Variants in ZNF90 observed in about 807,000 individuals in gnomAD.
The protein encoded by ZNF90 is zinc finger protein HTF9.
Under a neutral mutation model 12.0 loss-of-function variants are expected in ZNF90, and 11 were observed. That is an observed-to-expected ratio of 0.92 (90% CI 0.58 to 1.52). The LOEUF (loss-of-function observed/expected upper bound fraction) is 1.52, where lower values mean the gene tolerates loss of function less well. ZNF90 is among the 40% of genes most tolerant of loss of function. The probability of loss-of-function intolerance (pLI) is 0.00; values close to 1 mark genes in which losing one functional copy is unlikely to be tolerated. For synonymous variants in ZNF90, 232 were observed against 240.1 expected, an observed-to-expected ratio of 0.97 and a Z score of 0.31; for missense variants, 765 against 711.5, an observed-to-expected ratio of 1.08 and a Z score of -0.86.
chr19:20,114,647 C>G (rs1331422497), intron 3 of ZNF90, among the ~76,000 whole-genome samples: 4 of 152,016 alleles, frequency 2.6e-5, no homozygotes, highest in Non-Finnish European at 5.9e-5. Context: ...AGAAAGTAAT[C>G]TATTTTCAGC....
chr19:20,094,367 A>T (rs782201603), intron 1 of ZNF90, among the ~76,000 whole-genome samples: 67 of 152,220 alleles, frequency 4.4e-4, no homozygotes, highest in Admixed American at 5.9e-4. Context: ...CATATTGAGA[A>T]TAAGGCGGCC....
intron 3 of ZNF90, among the ~76,000 whole-genome samples, chr19:20,106,044 C>CATTTTTTTTTTTTTTTTTTTTTTTTTTTT (rs1555704366): frequency 2.8e-5 from 2 of 71,040 alleles, no homozygotes; most frequent in African/African-American, 1.1e-4. Context: ...CTAATTTTTT[C>CATTTTTTTTTTTTTTTTTTTTTTTTTTTT]TTTTTTTTTT....
chr19:20,108,100 A>C (rs1253649698), intron 3 of ZNF90, among the ~76,000 whole-genome samples: 1 of 152,066 alleles, frequency 6.6e-6, no homozygotes, highest in Non-Finnish European at 1.5e-5. Context: ...GTTTTGTGTA[A>C]GAATACCATA....
chr19:20,090,205 G>A (rs962908028), intron 1 of ZNF90, among the ~76,000 whole-genome samples: 5 of 152,106 alleles, frequency 3.3e-5, no homozygotes, highest in African/African-American at 7.2e-5. Flanking sequence ...GAGTATGACC[G>A]GACAGAAGAT....
chr19:20,113,702 C>G (rs1555705391), intron 3 of ZNF90, among the ~76,000 whole-genome samples: 2 of 152,002 alleles, frequency 1.3e-5, no homozygotes, highest in Non-Finnish European at 2.9e-5. Context: ...TTGGCGGGCG[C>G]TTATAGTCCC....
chr19:20,104,014 A>G (rs1555704117), intron 1 of ZNF90, among the ~76,000 whole-genome samples: 1 of 152,186 alleles, frequency 6.6e-6, no homozygotes, highest in East Asian at 1.9e-4. Flanking sequence ...TTATCTAGAA[A>G]AATATCATAT....
intron 1 of ZNF90, among the ~76,000 whole-genome samples, chr19:20,094,770 A>G (rs2088929592): frequency 6.6e-6 from 1 of 151,118 alleles, no homozygotes; most frequent in South Asian, 2.1e-4. Flanking sequence ...AGAGTTAGAC[A>G]TTGGAATTCC....
Position 20,078,033 on chromosome 19 carries a change from C to T in ZNF90, c.-100C>T. 6.6e-7 allele frequency: 1 copy of T among 1,504,802 alleles called. No homozygotes were observed. Among genetic ancestry groups the T allele is most frequent in the Non-Finnish European group, 9.3e-7 (1 of 1,080,946 alleles). 93.2% of individuals were successfully genotyped at this position (1,504,802 alleles called of 1,614,324 possible). A position where few individuals can be genotyped will look rare whatever the true frequency, so the allele number is the denominator to read the frequency against. On this transcript the variant is annotated 5_prime_UTR_variant, in exon 1 of 4. Transcript: ENST00000418063. ...TCTTGCTGCAGCTGGTGCTCCAAAT[C>T]TGGTCTTAGCTGCTTCGTGTCTTCT... is the stretch of plus-strand genomic sequence containing the variant.
chr19:20,082,193 A>G (rs899293108), intron 1 of ZNF90, among the ~76,000 whole-genome samples: 9 of 152,092 alleles, frequency 5.9e-5, no homozygotes, highest in African/African-American at 1.9e-4. Flanking sequence ...AGCACCAAAC[A>G]TGTCTGTTTT....
chr19:20,091,648 C>T (rs371031614), intron 1 of ZNF90, among the ~76,000 whole-genome samples: 3 of 152,166 alleles, frequency 2.0e-5, no homozygotes, highest in Non-Finnish European at 2.9e-5. Context: ...TTTGATGCCC[C>T]TTGCAGTGAA....
At chr19:20,101,133 C>T (rs1460405419) in intron 1 of ZNF90, among the ~76,000 whole-genome samples, 1 of 152,204 alleles carries the variant, frequency 6.6e-6, no homozygotes, top group East Asian at 1.9e-4. Flanking sequence ...CACCCCTCCC[C>T]CTCCGGATCC....
chr19:20,104,400 C>A (rs959877255), intron 2 of ZNF90, 35 bp downstream of exon 2: 3 of 1,556,156 alleles, frequency 1.9e-6, no homozygotes, highest in Non-Finnish European at 2.6e-6. Context: ...TCATAATATA[C>A]CCTAAAGGTT....
chr19:20,117,397 C>CTTTTCTCCCTTCCTTCCTTCCT (rs1294206352), intron 3 of ZNF90, among the ~76,000 whole-genome samples: 1 of 91,346 alleles, frequency 1.1e-5, no homozygotes, highest in African/African-American at 7.1e-5. Flanking sequence ...CTTTTCTTTT[C>CTTTTCTCCCTTCCTTCCTTCCT]TCCTTCCTTC....
Position 20,114,063 on chromosome 19 carries a change from C to T in ZNF90, c.227-3718C>T, listed in dbSNP as rs186283864. ...ATCGCATCACTTTCAGAGGCTGAGG[C>T]GGGCAGATCACAAGGTCAGAAGATC... On this transcript the variant is annotated intron_variant, in intron 3 of 3. Coordinates refer to ENST00000418063, the MANE Select transcript of ZNF90 (RefSeq NM_007138.2). 1.2e-3 allele frequency among the ~76,000 whole-genome samples: 185 copies of T among 152,176 alleles called. 1 individual carries two copies. Among genetic ancestry groups the T allele is most frequent in the African/African-American group, 3.8e-3 (159 of 41,540 alleles).
At chr19:20,090,525 G>A (rs1332553524) in intron 1 of ZNF90, among the ~76,000 whole-genome samples, 4 of 152,130 alleles carry the variant, frequency 2.6e-5, no homozygotes, top group African/African-American at 7.2e-5. Context: ...GACGGCAGTC[G>A]GGGACTATAG....
rs537557964 is a variant in ZNF90 at position 20,088,665 on chromosome 19, G to A, written c.3+10530G>A. 6.0e-4 allele frequency among the ~76,000 whole-genome samples: 91 copies of A among 152,312 alleles called. 1 individual carries two copies. Among genetic ancestry groups the A allele is most frequent in the African/African-American group, 1.9e-3 (81 of 41,566 alleles). ...CAGGGTCCTCCTTTTTCAGCAGTGA[G>A]TAAGTCAAGGCCTCGGCAGTTTTGG... On this transcript the variant is annotated intron_variant, in intron 1 of 3. Transcript: ENST00000418063.
chr19:20,102,525 A>G (rs1208145667), intron 1 of ZNF90, among the ~76,000 whole-genome samples: 1 of 152,136 alleles, frequency 6.6e-6, no homozygotes, highest in African/African-American at 2.4e-5. Flanking sequence ...TACTCTTGCC[A>G]TTGCTCCATC....
chr19:20,085,426 A>AT (rs1358494381), intron 1 of ZNF90, among the ~76,000 whole-genome samples: 4 of 149,960 alleles, frequency 2.7e-5, no homozygotes, highest in Admixed American at 2.7e-4. Context: ...CGCCCGGCTA[A>AT]TTTTTTTGTA....
intron 1 of ZNF90, among the ~76,000 whole-genome samples, chr19:20,086,583 C>G (rs73536236): frequency 0.069 from 10,543 of 152,056 alleles, 1,043 homozygotes; most frequent in African/African-American, 0.22. Context: ...TTGAATTAAT[C>G]ACTTAAATGG....
Sources: gnomAD v4.1 joint callset for allele counts (sites outside exome capture counted in the v4.1 genomes callset) on GRCh38, gnomAD v4.1.1 for gene constraint, MANE v1.5 for transcripts, NCBI Gene and HGNC (gene_info 2026-07-23, HGNC 2026-07-21) for gene names.